PDE10A: variants seen among roughly 807,000 people sequenced by gnomAD.
PDE10A encodes phosphodiesterase 10A.
PDE10A carries 39 observed loss-of-function variants against 97.7 expected under a neutral mutation model. That is an observed-to-expected ratio of 0.40 (90% CI 0.31 to 0.52). The LOEUF (loss-of-function observed/expected upper bound fraction) is 0.52, where lower values mean the gene tolerates loss of function less well. Among genes scored for constraint, PDE10A ranks in the 20% least tolerant of loss-of-function variants. PDE10A has a pLI of 0.56. For synonymous variants in PDE10A, 371 were observed against 376.8 expected, an observed-to-expected ratio of 0.98 and a Z score of 0.18; for missense variants, 731 against 1,047.8, an observed-to-expected ratio of 0.70 and a Z score of 4.17.
chr6:165,758,527 A>AGAAGAGGAAGAGGAAGAG (rs748207238), intron 1 of PDE10A, among the ~76,000 whole-genome samples: 2 of 140,534 alleles, frequency 1.4e-5, no homozygotes, highest in African/African-American at 5.1e-5. Context: ...AAGAAGAAGA[A>AGAAGAGGAAGAGGAAGAG]GAAGAGGAAG....
chr6:165,682,992 C>T (rs1160145257), intron 1 of PDE10A, among the ~76,000 whole-genome samples: 1 of 152,188 alleles, frequency 6.6e-6, no homozygotes, highest in East Asian at 1.9e-4. Flanking sequence ...TTGTGTCGTT[C>T]CCCCACCGGA....
At chr6:165,653,809 C>T (rs1318627292) in intron 1 of PDE10A, among the ~76,000 whole-genome samples, 2 of 149,412 alleles carry the variant, frequency 1.3e-5, no homozygotes, top group Non-Finnish European at 3.0e-5. Flanking sequence ...CCCACGCCTT[C>T]CCCCAATGCA....
intron 1 of PDE10A, among the ~76,000 whole-genome samples, chr6:165,873,391 A>G (rs1781253987): frequency 6.6e-6 from 1 of 152,194 alleles, no homozygotes; most frequent in African/African-American, 2.4e-5. Context: ...CTCCCCTGCT[A>G]ACTTGCTCTG....
At chr6:165,843,752 A>T (rs574134707) in intron 1 of PDE10A, among the ~76,000 whole-genome samples, 84 of 152,342 alleles carry the variant, frequency 5.5e-4, no homozygotes, top group African/African-American at 1.9e-3. Context: ...TGTTGGCGCG[A>T]CAGGTGCAGA....
chr6:165,901,691 A>C (rs1384410362), intron 1 of PDE10A, among the ~76,000 whole-genome samples: 1 of 152,006 alleles, frequency 6.6e-6, no homozygotes, highest in Non-Finnish European at 1.5e-5. Flanking sequence ...AATCCCAGCT[A>C]CTCGGGAGGC....
At chr6:165,599,533 T>C (rs984296377) in intron 1 of PDE10A, among the ~76,000 whole-genome samples, 2 of 152,222 alleles carry the variant, frequency 1.3e-5, no homozygotes, top group African/African-American at 4.8e-5. Context: ...TTGCCATCAC[T>C]TAACCCAGGA....
chr6:165,514,554 C>T (rs1227595977), intron 2 of PDE10A, among the ~76,000 whole-genome samples: 1 of 152,316 alleles, frequency 6.6e-6, no homozygotes, highest in East Asian at 1.9e-4. Context: ...TTCCACTGCA[C>T]ATGTGCATAT....
chr6:165,781,531 T>A (rs1778342904), intron 1 of PDE10A: 1 of 152,182 alleles, frequency 6.6e-6, no homozygotes, highest in Admixed American at 6.5e-5. Context: ...AATGTTCACA[T>A]CCAAATCTCT....
At chr6:165,765,050 T>C (rs1416110029) in intron 1 of PDE10A, among the ~76,000 whole-genome samples, 1 of 152,178 alleles carries the variant, frequency 6.6e-6, no homozygotes, top group Non-Finnish European at 1.5e-5. Context: ...AGCAGCTAGA[T>C]ACAGAGTGTG....
chr6:165,871,769 G>A (rs2453394), intron 1 of PDE10A, among the ~76,000 whole-genome samples: 112,299 of 152,112 alleles, frequency 0.74, 41,838 homozygotes, highest in East Asian at 0.96. Context: ...TGACGACTGA[G>A]GGTGAGCTGG....
intron 11 of PDE10A, among the ~76,000 whole-genome samples, chr6:165,417,479 T>C (rs767765485): frequency 4.6e-5 from 7 of 152,250 alleles, no homozygotes; most frequent in Non-Finnish European, 7.3e-5. Context: ...AATCACACTC[T>C]GTTTTTCTTA....
intron 3 of PDE10A, among the ~76,000 whole-genome samples, chr6:165,479,296 T>A (rs1779468965): frequency 6.6e-6 from 1 of 152,150 alleles, no homozygotes. Context: ...ACTCTTACTG[T>A]GTATACTCTC....
At chr6:165,393,617 C>G (rs1429214924) in intron 15 of PDE10A, among the ~76,000 whole-genome samples, 3 of 151,958 alleles carry the variant, frequency 2.0e-5, no homozygotes, top group Non-Finnish European at 4.4e-5. Context: ...AGAATTCCAA[C>G]TGGTCAAACT....
chr6:165,758,224 T>C (rs1305741364), intron 1 of PDE10A, among the ~76,000 whole-genome samples: 1 of 152,180 alleles, frequency 6.6e-6, no homozygotes, highest in South Asian at 2.1e-4. Context: ...CCCAGCACTT[T>C]CGGAGGCTGA....
intron 1 of PDE10A, among the ~76,000 whole-genome samples, chr6:165,594,369 T>A (rs1032762137): frequency 6.6e-6 from 1 of 152,178 alleles, no homozygotes; most frequent in African/African-American, 2.4e-5. Context: ...ATCTGGGTAG[T>A]TTGAATATCG....
chr6:165,824,978 A>T (rs1443573933), intron 1 of PDE10A, among the ~76,000 whole-genome samples: 30 of 149,136 alleles, frequency 2.0e-4, no homozygotes, highest in Middle Eastern at 3.4e-3. Context: ...TAAAAAAAAA[A>T]AAAAAAAAAA....
At chr6:165,334,936 G>A (rs1319293493) in intron 21 of PDE10A, among the ~76,000 whole-genome samples, 1 of 152,116 alleles carries the variant, frequency 6.6e-6, no homozygotes, top group African/African-American at 2.4e-5. Context: ...TTCTGGTTTT[G>A]TGTAAAACTC....
rs542409429 is a variant in PDE10A at position 165,811,876 on chromosome 6, C to T, written c.-615+175653G>A. 2.0e-4 allele frequency among the ~76,000 whole-genome samples: 30 copies of T among 151,808 alleles called. 1 individual carries two copies. The highest frequency in any genetic ancestry group is 3.9e-4 in the Admixed American group (6 of 15,256). ...TTTTTATTTTTTTATTTTTTTGAGA[C>T]GGAGTCTTGCCCTGTCCCCCAGGCT... On this transcript the variant is annotated intron_variant, in intron 1 of 19. Coordinates refer to the PDE10A transcript ENST00000366882.
At chr6:165,598,702 T>TC (rs1206720817) in intron 1 of PDE10A, among the ~76,000 whole-genome samples, 1 of 152,182 alleles carries the variant, frequency 6.6e-6, no homozygotes, top group Non-Finnish European at 1.5e-5. Flanking sequence ...CTTGGGTTCT[T>TC]CTATTAAGCT....
Sources: gnomAD v4.1 joint callset for allele counts (sites outside exome capture counted in the v4.1 genomes callset) on GRCh38, gnomAD v4.1.1 for gene constraint, MANE v1.5 for transcripts, NCBI Gene and HGNC (gene_info 2026-07-23, HGNC 2026-07-21) for gene names.